Variants in FBXL5 observed in about 807,000 individuals in gnomAD.
FBXL5 encodes F-box and leucine rich repeat protein 5, also known as F-box/LRR-repeat protein 5.
A neutral mutation model predicts 78.3 loss-of-function variants in FBXL5; 26 were observed. The observed-to-expected ratio is 0.33, with a 90% confidence interval of 0.24 to 0.46. The LOEUF is 0.46. FBXL5 is among the 20% of genes least tolerant of loss of function. The pLI, the probability that FBXL5 is intolerant of heterozygous loss-of-function variation, is 1.00. For missense variants in FBXL5, 710 were observed against 829.2 expected, an observed-to-expected ratio of 0.86 and a Z score of 1.77; for synonymous variants, 295 against 282.5, an observed-to-expected ratio of 1.04 and a Z score of -0.45.
At chr4:15,640,167 A>C (rs1025433464) in intron 3 of FBXL5, among the ~76,000 whole-genome samples, 1 of 152,144 alleles carries the variant, frequency 6.6e-6, no homozygotes, top group Non-Finnish European at 1.5e-5. Context: ...CAAGCTCCCA[A>C]GTAGCTGAGA....
At chr4:15,630,868 C>T (rs1387594168) in intron 5 of FBXL5, 77 bp from the exon 6 acceptor site, 10 of 1,544,474 alleles carry the variant, frequency 6.5e-6, no homozygotes, top group South Asian at 3.6e-5. Context: ...AAGCTATTTA[C>T]GATAAAAATC....
rs377684367 is a variant in FBXL5, at chr4:15,655,261, G to A, written c.27C>T (p.Asp9=). ...TCCGCCAGTGTGGGGCGGTGAAGACGTCCACTTCTTCAGGAAAGGGCGCCA... is the reference window on the plus strand; with the variant it reads ...TCCGCCAGTGTGGGGCGGTGAAGACATCCACTTCTTCAGGAAAGGGCGCCA... MAPFPEEV[D]VFTAPHWRMK... The change falls in exon 1 of 11, where the codon GAC becomes GAT. Residue 9 remains aspartate (D), a synonymous_variant. Coordinates refer to ENST00000341285, the MANE Select transcript of FBXL5 (RefSeq NM_012161.4). The A allele has an allele frequency of 1.3e-5, 18 of 1,439,442 alleles. No homozygotes were observed. Among genetic ancestry groups the A allele is most frequent in the Middle Eastern group, 1.9e-4 (1 of 5,236 alleles). The allele number at this position is 1,439,442 out of a possible 1,614,324, so 89.2% of individuals were successfully genotyped here.
chr4:15,676,519 T>G (rs1451472479), intron 1 of FBXL5, among the ~76,000 whole-genome samples: 3 of 152,170 alleles, frequency 2.0e-5, no homozygotes, highest in Non-Finnish European at 2.9e-5. Context: ...GTGGACATAG[T>G]TTAGCTTCTA....
chr4:15,613,936 G>T (rs187592019), intron 9 of FBXL5, among the ~76,000 whole-genome samples: 2 of 151,838 alleles, frequency 1.3e-5, no homozygotes, highest in Non-Finnish European at 2.9e-5. Flanking sequence ...TCCTCTTTCC[G>T]GCAATTGAGA....
upstream of FBXL5, among the ~76,000 whole-genome samples, chr4:15,657,978 A>C (rs1394728001): frequency 6.6e-6 from 1 of 152,198 alleles, no homozygotes; most frequent in African/African-American, 2.4e-5. Context: ...GAGCAGTGAA[A>C]ACCCACATTG....
rs527424043 is a variant in FBXL5, at chr4:15,604,785, G to A, written c.*938C>T. ...GGTGGCAGGCCTCCACTCTCATGATGTTTTAACAAAGCAAAGTAGATATAC... is the reference window on the plus strand; with the variant it reads ...GGTGGCAGGCCTCCACTCTCATGATATTTTAACAAAGCAAAGTAGATATAC... On this transcript the variant is annotated 3_prime_UTR_variant, in exon 11 of 11. Coordinates refer to ENST00000341285, the MANE Select transcript of FBXL5 (RefSeq NM_012161.4). 1 of 152,254 alleles carries A rather than the reference G, an allele frequency of 6.6e-6. No individual in the cohort carries two copies. The highest frequency in any genetic ancestry group is 1.9e-4 in the East Asian group (1 of 5,186). The allele number at this position is 152,254 out of a possible 1,614,324, so 9.4% of individuals were successfully genotyped here.
chr4:15,665,323 G>T (rs892913814), intron 1 of FBXL5, among the ~76,000 whole-genome samples: 1 of 152,100 alleles, frequency 6.6e-6, no homozygotes, highest in South Asian at 2.1e-4. Flanking sequence ...GCGGTGTCAG[G>T]CATCTTAGCC....
intron 1 of FBXL5, among the ~76,000 whole-genome samples, chr4:15,665,425 A>G (rs950535752): frequency 5.3e-5 from 8 of 152,134 alleles, no homozygotes; most frequent in Admixed American, 2.0e-4. Context: ...CATTTCTTCT[A>G]TCCTTAGGAT....
intron 1 of FBXL5, among the ~76,000 whole-genome samples, chr4:15,653,557 A>T (rs934094708): frequency 6.6e-6 from 1 of 152,094 alleles, no homozygotes; most frequent in Non-Finnish European, 1.5e-5. Flanking sequence ...ATTTCAGGTG[A>T]TCCTAGGCTA....
At chr4:15,612,786 T>A (rs140249819) in intron 9 of FBXL5, among the ~76,000 whole-genome samples, 195 of 152,152 alleles carry the variant, frequency 1.3e-3, no homozygotes, top group African/African-American at 4.3e-3. Flanking sequence ...TAATAAGCAG[T>A]TGGGCAGTTT....
chr4:15,662,198 A>G (rs1717343558), upstream of FBXL5, among the ~76,000 whole-genome samples: 2 of 152,198 alleles, frequency 1.3e-5, no homozygotes, highest in Admixed American at 6.5e-5. Flanking sequence ...ATTGAGGGCC[A>G]TCTTTGAAGC....
At chr4:15,647,961 CTCCTGCTGGCCTCAGCCT>C (rs1430849960) in intron 1 of FBXL5, among the ~76,000 whole-genome samples, 3 of 152,200 alleles carry the variant, frequency 2.0e-5, no homozygotes, top group African/African-American at 7.2e-5. Context: ...TCAAGTGATC[CTCCTGCTGGCCTCAGCCT>C]TCCGAATAGC....
chr4:15,635,694 A>T lies in FBXL5; in HGVS notation c.766+800T>A, dbSNP rs1714175322. On this transcript the variant is annotated intron_variant, in intron 5 of 10. Transcript: ENST00000341285. ...CTTGAACCTGGGAGGCAGAGGTTGC[A>T]GCGACCCAAGATCGCGCCATTGCAC... Among the ~76,000 whole-genome samples, 2 of 150,972 alleles carry T rather than the reference A, an allele frequency of 1.3e-5. 1 individual carries two copies. The highest frequency in any genetic ancestry group is 4.3e-4 in the South Asian group (2 of 4,696).
At chr4:15,670,914 CTTTTTTTTTTTTTTTT>C (rs57312794) in intron 1 of FBXL5, among the ~76,000 whole-genome samples, 1 of 54,144 alleles carries the variant, frequency 1.8e-5, no homozygotes, top group Non-Finnish European at 3.1e-5. Flanking sequence ...TGTGCGTAGA[CTTTTTTTTTTTTTTTT>C]TTTTTTTTTT....
At chr4:15,681,266 A>T (rs1270962318) in intron 1 of FBXL5, 1 of 152,798 alleles carries the variant, frequency 6.5e-6, no homozygotes, top group Non-Finnish European at 1.5e-5. Flanking sequence ...TTCCACAAAG[A>T]CTATGAAAAT....
intron 1 of FBXL5, among the ~76,000 whole-genome samples, chr4:15,652,049 C>A (rs1716139708): frequency 6.6e-6 from 1 of 152,164 alleles, no homozygotes; most frequent in Admixed American, 6.6e-5. Context: ...TGTCACATTG[C>A]CAACGTCTTT....
upstream of FBXL5, among the ~76,000 whole-genome samples, chr4:15,658,032 TTC>T (rs1195245706): frequency 1.3e-5 from 2 of 152,214 alleles, no homozygotes; most frequent in East Asian, 1.9e-4. Context: ...CCTACTCTCA[TTC>T]TCTCTCTGGC....
At chr4:15,633,338 C>T (rs984609662) in intron 5 of FBXL5, among the ~76,000 whole-genome samples, 1 of 152,198 alleles carries the variant, frequency 6.6e-6, no homozygotes, top group Non-Finnish European at 1.5e-5. Flanking sequence ...TTTTAGAAAT[C>T]ACGATGAGCA....
At chr4:15,659,735 A>C, upstream of FBXL5, 2 of 985,038 alleles carry the variant, frequency 2.0e-6, no homozygotes, top group Non-Finnish European at 2.4e-6. Flanking sequence ...ACCTTGCGTC[A>C]TTTACCTCTT....
Sources: allele counts gnomAD v4.1 joint callset (sites outside exome capture counted in the v4.1 genomes callset), GRCh38; gene constraint gnomAD v4.1.1; transcripts MANE v1.5; gene names NCBI Gene and HGNC (gene_info 2026-07-23, HGNC 2026-07-21).